The following PTPRQ variants were observed in gnomAD, a reference collection of about 807,000 sequenced individuals.
The protein encoded by PTPRQ is phosphatidylinositol phosphatase PTPRQ.
PTPRQ carries 199 observed loss-of-function variants against 246.0 expected under a neutral mutation model. That is an observed-to-expected ratio of 0.81 (90% CI 0.72 to 0.91). The LOEUF (loss-of-function observed/expected upper bound fraction) is 0.91. Among genes scored for constraint, PTPRQ ranks in the 40% least tolerant of loss-of-function variants. The pLI is 0.00. For missense variants in PTPRQ, 2,624 were observed against 2,528.4 expected (o/e 1.04, Z -0.81); for synonymous variants, 869 against 853.2 (o/e 1.02, Z -0.32).
At chr12:80,580,219 C>T (rs1362470681) in intron 25 of PTPRQ, among the ~76,000 whole-genome samples, 5 of 152,138 alleles carry the variant, frequency 3.3e-5, no homozygotes, top group Non-Finnish European at 5.9e-5. Context: ...TTTAGATCTA[C>T]AGACCCTAAT....
At chr12:80,591,233 C>T (rs930514728) in intron 26 of PTPRQ, among the ~76,000 whole-genome samples, 2 of 150,478 alleles carry the variant, frequency 1.3e-5, no homozygotes, top group Non-Finnish European at 2.9e-5. Flanking sequence ...TCAAGTAATC[C>T]TCCCACCTCA....
At chr12:80,493,084 G>A (rs1371630885) in intron 9 of PTPRQ, among the ~76,000 whole-genome samples, 191 bp from the exon 10 acceptor site, 2 of 151,882 alleles carry the variant, frequency 1.3e-5, no homozygotes, top group African/African-American at 4.8e-5. Flanking sequence ...ATCACAATGT[G>A]TTACAATGAT....
intron 8 of PTPRQ, among the ~76,000 whole-genome samples, chr12:80,476,489 C>T (rs185028396): frequency 1.2e-4 from 18 of 152,192 alleles, no homozygotes; most frequent in African/African-American, 4.3e-4. Context: ...GTCACAATAT[C>T]TAGGGAGTCT....
intron 6 of PTPRQ, among the ~76,000 whole-genome samples, chr12:80,467,930 C>G (rs974534051): frequency 5.3e-5 from 8 of 152,116 alleles, no homozygotes. Context: ...ATGGGTGCAG[C>G]AAACCAACAT....
At chr12:80,475,355 T>C (rs779358531) in intron 8 of PTPRQ, among the ~76,000 whole-genome samples, 1 of 152,092 alleles carries the variant, frequency 6.6e-6, no homozygotes, top group Admixed American at 6.6e-5. Flanking sequence ...GGCATTGGGG[T>C]AAAGAAAATG....
chr12:80,464,314 G>GCTAA (rs1324248139), intron 6 of PTPRQ, among the ~76,000 whole-genome samples: 2 of 107,726 alleles, frequency 1.9e-5, no homozygotes, highest in Admixed American at 1.0e-4. Context: ...AACAAGAAGA[G>GCTAA]CTAACTATCC....
At chr12:80,612,591 A>G (rs1002193581) in intron 28 of PTPRQ, among the ~76,000 whole-genome samples, 1 of 150,498 alleles carries the variant, frequency 6.6e-6, no homozygotes, top group Admixed American at 6.7e-5. Flanking sequence ...GTAGGAATGT[A>G]AAATGGAATA....
chr12:80,657,832 G>A (rs1238587206), intron 38 of PTPRQ, among the ~76,000 whole-genome samples, 153 bp from the exon 39 acceptor site: 2 of 151,768 alleles, frequency 1.3e-5, no homozygotes, highest in East Asian at 3.9e-4. Flanking sequence ...CTGGGTGGTA[G>A]AAATATGGGA....
intron 24 of PTPRQ, chr12:80,546,982 A>C: frequency 8.2e-6 from 2 of 244,142 alleles, no homozygotes; most frequent in Non-Finnish European, 1.5e-5. Flanking sequence ...AAATTACCTA[A>C]TTCTTAGAAC....
chr12:80,515,676 C>T (rs1895272000), intron 17 of PTPRQ, among the ~76,000 whole-genome samples: 1 of 151,652 alleles, frequency 6.6e-6, no homozygotes, highest in African/African-American at 2.4e-5. Context: ...TCAGGTGATC[C>T]TCCTGTCTCA....
chr12:80,541,193 A>T (rs1318331756), intron 20 of PTPRQ, among the ~76,000 whole-genome samples: 1 of 152,028 alleles, frequency 6.6e-6, no homozygotes, highest in Non-Finnish European at 1.5e-5. Flanking sequence ...GAAATAAGCT[A>T]AAAAGATGGT....
chr12:80,553,820 A>G (rs1428732351), intron 25 of PTPRQ, among the ~76,000 whole-genome samples: 1 of 152,244 alleles, frequency 6.6e-6, no homozygotes, highest in African/African-American at 2.4e-5. Flanking sequence ...CAAATAATAC[A>G]GCAAGTCCAT....
intron 3 of PTPRQ, among the ~76,000 whole-genome samples, chr12:80,455,281 C>G (rs1002892583): frequency 6.6e-6 from 1 of 152,108 alleles, no homozygotes; most frequent in Non-Finnish European, 1.5e-5. Flanking sequence ...AAATTGATAA[C>G]TTTGGTTAAT....
chr12:80,478,196 C>A (rs1476952822), intron 8 of PTPRQ, among the ~76,000 whole-genome samples: 3 of 147,774 alleles, frequency 2.0e-5, no homozygotes, highest in Non-Finnish European at 4.4e-5. Flanking sequence ...AAAGGGGAAA[C>A]TGCCTCCTCA....
At chr12:80,666,345 T>G (rs190691157) in intron 39 of PTPRQ, among the ~76,000 whole-genome samples, 2 of 152,130 alleles carry the variant, frequency 1.3e-5, no homozygotes, top group African/African-American at 4.8e-5. Context: ...TGTTCTCACT[T>G]ATGCAGAGGC....
chr12:80,463,600 T>C (rs1893284342), intron 6 of PTPRQ, among the ~76,000 whole-genome samples: 1 of 151,694 alleles, frequency 6.6e-6, no homozygotes, highest in South Asian at 2.1e-4. Flanking sequence ...GGAAAAAATG[T>C]TAAGGGCAGC....
At chr12:80,579,801 T>C (rs1897379969) in intron 25 of PTPRQ, among the ~76,000 whole-genome samples, 1 of 152,214 alleles carries the variant, frequency 6.6e-6, no homozygotes, top group Admixed American at 6.5e-5. Flanking sequence ...GTTGTGTTTC[T>C]AAAAGGATAG....
chr12:80,485,062 T>G (rs1894228763), intron 9 of PTPRQ, among the ~76,000 whole-genome samples: 1 of 152,046 alleles, frequency 6.6e-6, no homozygotes, highest in Non-Finnish European at 1.5e-5. Flanking sequence ...GCTGCCTCTT[T>G]TTTTTTTTCA....
chr12:80,449,905 C>A (rs1271419935), intron 3 of PTPRQ, among the ~76,000 whole-genome samples: 2 of 152,060 alleles, frequency 1.3e-5, no homozygotes, highest in Non-Finnish European at 2.9e-5. Flanking sequence ...TTTTCCAATT[C>A]TGTGAAGAAA....
Sources: gnomAD v4.1 joint callset for allele counts (sites outside exome capture counted in the v4.1 genomes callset) on GRCh38, gnomAD v4.1.1 for gene constraint, MANE v1.5 for transcripts, NCBI Gene and HGNC (gene_info 2026-07-23, HGNC 2026-07-21) for gene names.